RNF130: variants seen among roughly 807,000 people sequenced by gnomAD.
RNF130 encodes E3 ubiquitin-protein ligase RNF130.
RNF130 carries 21 observed loss-of-function variants against 44.6 expected under a neutral mutation model. The observed-to-expected ratio is 0.47, with a 90% CI of 0.33 to 0.68. RNF130 has a LOEUF of 0.68. Among genes scored for constraint, RNF130 ranks in the 30% least tolerant of loss-of-function variants. The pLI, the probability that RNF130 is intolerant of heterozygous loss-of-function variation, is 0.02. For missense variants in RNF130, 479 were observed against 560.6 expected (o/e 0.85, Z 1.47); for synonymous variants, 214 against 210.4 (o/e 1.02, Z -0.15).
intron 2 of RNF130, among the ~76,000 whole-genome samples, chr5:180,015,766 A>AGTAGGGAAAGGG: frequency 6.6e-6 from 1 of 151,634 alleles, no homozygotes; most frequent in Non-Finnish European, 1.5e-5. Context: ...TAGGGAAAGG[A>AGTAGGGAAAGGG]GTAGGGAAAG....
chr5:180,071,686 C>T lies in RNF130; in HGVS notation c.17G>A (p.Arg6Gln), dbSNP rs1765276304. The T allele has an allele frequency of 7.2e-7, 1 of 1,389,360 alleles. No homozygotes were observed. The highest frequency in any genetic ancestry group is 1.5e-5 in the African/African-American group (1 of 66,750). 86.1% of individuals were successfully genotyped at this position (1,389,360 alleles called of 1,614,324 possible). The change falls in exon 1 of 9, where the codon CGG becomes CAG. Residue 6 changes from arginine (R) to glutamine (Q), a missense_variant. Around this residue, in one of 3 missense-constraint regions of RNF130, gnomAD observed 138 missense variants for 126.9 expected, o/e 1.09. Transcript: ENST00000521389. MSCAGRAGPARLAALA... is the reference protein window; with the variant it reads MSCAGQAGPARLAALA... ...CGCGGCGAGCCGGGCAGGGCCCGCC[C>T]GCCCCGCGCAGCTCATCGTCCCTCC...
rs753558685 is a variant in RNF130 at position 180,013,221 on chromosome 5, G to A, written c.533C>T (p.Thr178Ile). 3.7e-6 allele frequency: 6 copies of A among 1,614,148 alleles called. No homozygotes were observed. The highest frequency in any genetic ancestry group is 5.1e-6 in the Non-Finnish European group (6 of 1,180,016). Residue 178 changes from threonine (T) to isoleucine (I), a missense_variant, in exon 3 of 9, where the codon ACA becomes ATA. Coordinates refer to ENST00000521389, the MANE Select transcript of RNF130 (RefSeq NM_018434.6). ...YLEKNISVQM[T>I]IAVGTRMPPK... Reference sequence around the variant, plus strand: ...TGGCATTCGAGTTCCAACAGCTATTGTCATTTGTACAGAGATGTTTTTCTC... The same window carrying A: ...TGGCATTCGAGTTCCAACAGCTATTATCATTTGTACAGAGATGTTTTTCTC...
intron 1 of RNF130, among the ~76,000 whole-genome samples, chr5:180,058,466 C>A (rs982293971): frequency 6.6e-6 from 1 of 152,190 alleles, no homozygotes; most frequent in Admixed American, 6.5e-5. Context: ...AGGAACTAAC[C>A]TAGTCGAATT....
At chr5:180,033,437 C>T (rs372840582) in intron 2 of RNF130, among the ~76,000 whole-genome samples, 1 of 152,314 alleles carries the variant, frequency 6.6e-6, no homozygotes, top group Non-Finnish European at 1.5e-5. Flanking sequence ...AATACAATGG[C>T]TTTTGGGCAG....
chr5:179,940,200 C>G (rs1761952201), intron 7 of RNF130: 1 of 152,302 alleles, frequency 6.6e-6, no homozygotes, highest in Non-Finnish European at 1.5e-5. Context: ...GCAGTGGCTC[C>G]TCACTTTCCT....
intron 7 of RNF130, among the ~76,000 whole-genome samples, chr5:179,948,484 A>G (rs10042725): frequency 1.3e-5 from 2 of 152,178 alleles, no homozygotes; most frequent in East Asian, 3.9e-4. Context: ...AGCCTAGCCA[A>G]CATGGTGAAA....
intron 1 of RNF130, among the ~76,000 whole-genome samples, chr5:180,060,684 A>G (rs1277171742): frequency 6.6e-6 from 1 of 152,222 alleles, no homozygotes; most frequent in Non-Finnish European, 1.5e-5. Context: ...GTATCTCTAC[A>G]TAAATACGTA....
exon 8 of RNF130, chr5:179,919,036 G>C (rs1461994087): frequency 2.0e-5 from 3 of 152,242 alleles, no homozygotes; most frequent in African/African-American, 7.2e-5. Context: ...TGGAGACTGG[G>C]GTTCCTGTTC....
At chr5:179,935,088 C>T (rs1485581167) in intron 7 of RNF130, among the ~76,000 whole-genome samples, 1 of 152,094 alleles carries the variant, frequency 6.6e-6, no homozygotes, top group Non-Finnish European at 1.5e-5. Flanking sequence ...ATTTCCACTG[C>T]GATTTCTTCT....
intron 1 of RNF130, among the ~76,000 whole-genome samples, chr5:180,051,741 C>G (rs1470418275): frequency 6.6e-6 from 1 of 152,060 alleles, no homozygotes; most frequent in African/African-American, 2.4e-5. Flanking sequence ...ATCCTTAGAA[C>G]GCAAATATAT....
At chr5:179,923,030 A>G (rs1761656351) in intron 7 of RNF130, among the ~76,000 whole-genome samples, 1 of 152,162 alleles carries the variant, frequency 6.6e-6, no homozygotes, top group Admixed American at 6.5e-5. Flanking sequence ...ATGTCTTTTG[A>G]AGATTAAAAG....
At chr5:180,021,011 C>A (rs1028979197) in intron 2 of RNF130, among the ~76,000 whole-genome samples, 1 of 148,548 alleles carries the variant, frequency 6.7e-6, no homozygotes, top group Non-Finnish European at 1.5e-5. Context: ...GAGACGGAGT[C>A]TCACTCTGTC....
At chr5:180,068,110 C>T (rs1319660775) in intron 1 of RNF130, among the ~76,000 whole-genome samples, 1 of 152,226 alleles carries the variant, frequency 6.6e-6, no homozygotes, top group Non-Finnish European at 1.5e-5. Context: ...CTAAACTCTT[C>T]CCCACCAGCA....
intron 5 of RNF130, chr5:179,976,877 T>G (rs1762725919): frequency 6.6e-6 from 1 of 152,230 alleles, no homozygotes. Flanking sequence ...AGAGGCAAAC[T>G]CTTTGGTTTT....
At chr5:179,984,959 T>A (rs1259973655) in intron 3 of RNF130, among the ~76,000 whole-genome samples, 1 of 152,146 alleles carries the variant, frequency 6.6e-6, no homozygotes, top group East Asian at 1.9e-4. Flanking sequence ...GAAAAATTTC[T>A]GGTCCAAAGC....
intron 1 of RNF130, among the ~76,000 whole-genome samples, chr5:180,065,781 TAAAG>T (rs1193078226): frequency 2.0e-5 from 3 of 148,846 alleles, no homozygotes; most frequent in African/African-American, 7.3e-5. Flanking sequence ...AACAACTATG[TAAAG>T]AAAGAGTTCA....
At chr5:180,057,309 G>A (rs1219377661) in intron 1 of RNF130, among the ~76,000 whole-genome samples, 1 of 152,254 alleles carries the variant, frequency 6.6e-6, no homozygotes, top group East Asian at 1.9e-4. Flanking sequence ...AGCACTTTGG[G>A]AGGCCGAGGC....
chr5:180,006,337 A>C (rs1227493553), intron 3 of RNF130, among the ~76,000 whole-genome samples: 1 of 152,220 alleles, frequency 6.6e-6, no homozygotes, highest in Non-Finnish European at 1.5e-5. Flanking sequence ...TCAAAGATTA[A>C]CTGTACTCAT....
At chr5:180,023,430 T>C (rs1311637517) in intron 2 of RNF130, among the ~76,000 whole-genome samples, 1 of 152,166 alleles carries the variant, frequency 6.6e-6, no homozygotes, top group Non-Finnish European at 1.5e-5. Context: ...TGATGTGTCA[T>C]TACTGATAAA....
Sources: allele counts gnomAD v4.1 joint callset (sites outside exome capture counted in the v4.1 genomes callset), GRCh38; gene constraint gnomAD v4.1.1; regional missense constraint gnomAD v4.1.1; transcripts MANE v1.5; gene names NCBI Gene and HGNC (gene_info 2026-07-23, HGNC 2026-07-21).